CFAP43: variants seen among roughly 807,000 people sequenced by gnomAD.
The protein encoded by CFAP43 is cilia and flagella associated protein 43.
A neutral mutation model predicts 218.9 loss-of-function variants in CFAP43; 155 were observed. The ratio of observed to expected loss-of-function variants is 0.71; its 90% CI spans 0.62 to 0.81. The LOEUF (loss-of-function observed/expected upper bound fraction) is 0.81. CFAP43 is among the 30% of genes least tolerant of loss of function. The pLI is 0.00. For synonymous variants in CFAP43, 645 were observed against 681.3 expected, an observed-to-expected ratio of 0.95 and a Z score of 0.83; for missense variants, 1,778 against 1,954.3, an observed-to-expected ratio of 0.91 and a Z score of 1.70.
In CFAP43 at chr10:104,167,753, G is replaced by T. The variant is rs371105012; in HGVS notation, c.2692-16C>A. 6.4e-7 allele frequency: 1 copy of T among 1,574,578 alleles called. No homozygotes were observed. Among genetic ancestry groups the T allele is most frequent in the Non-Finnish European group, 8.6e-7 (1 of 1,156,824 alleles). ...TATGAAAACACTTGGGGAAAAAAAC[G>T]CAAGACAAAATAAATCCATTTGTAG... On this transcript the variant is annotated splice_polypyrimidine_tract_variant and intron_variant, in intron 21 of 37. Coordinates refer to ENST00000357060, the MANE Select transcript of CFAP43 (RefSeq NM_025145.7).
intron 3 of CFAP43, among the ~76,000 whole-genome samples, chr10:104,215,538 C>A (rs1237602505): frequency 6.6e-6 from 1 of 152,088 alleles, no homozygotes; most frequent in Non-Finnish European, 1.5e-5. Context: ...CAACTGAAAG[C>A]CTGGGCTGCT....
chr10:104,155,178 A>C (rs703335), intron 27 of CFAP43, among the ~76,000 whole-genome samples: 42,302 of 151,886 alleles, frequency 0.28, 8,441 homozygotes, highest in African/African-American at 0.58. Flanking sequence ...TACCCCCTTC[A>C]CCTTGGGCTC....
chr10:104,220,595 G>A (rs558061104), intron 3 of CFAP43, among the ~76,000 whole-genome samples: 9 of 152,124 alleles, frequency 5.9e-5, no homozygotes, highest in African/African-American at 1.9e-4. Context: ...AATGAAACTT[G>A]GAAAAAAGAA....
chr10:104,214,439 T>A lies in CFAP43; in HGVS notation c.417-13A>T. 6.5e-7 allele frequency: 1 copy of A among 1,542,570 alleles called. No homozygotes were observed. Among genetic ancestry groups the A allele is most frequent in the Non-Finnish European group, 8.8e-7 (1 of 1,141,200 alleles). The stretch of plus-strand genomic sequence containing the variant: ...CGATTCCCAGTTCCTTAGAGAAAAA[T>A]AGCATTTGATGAAAAAAAGTTCATT... On this transcript the variant is annotated splice_polypyrimidine_tract_variant and intron_variant, in intron 3 of 37. Transcript: ENST00000357060.
chr10:104,209,168 C>T (rs1410676567), intron 5 of CFAP43, among the ~76,000 whole-genome samples: 3 of 152,160 alleles, frequency 2.0e-5, no homozygotes, highest in African/African-American at 7.2e-5. Flanking sequence ...CATTTGAGAT[C>T]TATTTTTGGT....
At chr10:104,141,059 T>C in intron 33 of CFAP43, 58 bp from the exon 34 acceptor site, 1 of 1,487,662 alleles carries the variant, frequency 6.7e-7, no homozygotes, top group Non-Finnish European at 9.1e-7. Flanking sequence ...TTTCACCTAT[T>C]ATCTGAGAAT....
chr10:104,139,413 C>T (rs6584588), intron 34 of CFAP43, among the ~76,000 whole-genome samples: 42,281 of 151,954 alleles, frequency 0.28, 8,441 homozygotes, highest in African/African-American at 0.58. Flanking sequence ...ATGTGCATAC[C>T]GCCCCCTATC....
chr10:104,217,336 TTTTCTTTC>T (rs748219930), intron 3 of CFAP43, among the ~76,000 whole-genome samples: 1 of 119,944 alleles, frequency 8.3e-6, no homozygotes, highest in African/African-American at 5.1e-5. Context: ...TTTTCTTTTC[TTTTCTTTC>T]TTTCTTTCTT....
chr10:104,179,178 A>C (rs2089735570), intron 18 of CFAP43, 72 bp from the exon 19 acceptor site: 2 of 1,216,686 alleles, frequency 1.6e-6, no homozygotes, highest in Non-Finnish European at 2.3e-6. Context: ...AGAGAGAGAG[A>C]GAGCAATTCT....
rs767856413 is a variant in CFAP43 at position 104,206,042 on chromosome 10, G to C, written c.896-12C>G. ...AAAATTTCTTCTGTCTTCTGGAAAA[G>C]AAAAACAAGGTAAAGCAGGTGACGT... On this transcript the variant is annotated splice_polypyrimidine_tract_variant and intron_variant, in intron 6 of 37. Transcript: ENST00000357060. The C allele has an allele frequency of 1.0e-5, 16 of 1,593,686 alleles. No individual in the cohort carries two copies. The African/African-American group carries it at 2.0e-4, about 20-fold the overall frequency.
chr10:104,178,431 C>T (rs1043923044), intron 19 of CFAP43, among the ~76,000 whole-genome samples: 10 of 152,018 alleles, frequency 6.6e-5, no homozygotes, highest in African/African-American at 2.4e-4. Flanking sequence ...AATAATATAC[C>T]ATGTGGCTCA....
At chr10:104,182,655 G>T in intron 16 of CFAP43, 142 bp from the exon 17 acceptor site, 2 of 778,686 alleles carry the variant, frequency 2.6e-6, no homozygotes, top group Non-Finnish European at 3.6e-6. Context: ...TCTTCACAGT[G>T]CCTTGTGGAA....
chr10:104,172,372 T>C, intron 20 of CFAP43, 38 bp downstream of exon 20: 1 of 1,585,044 alleles, frequency 6.3e-7, no homozygotes, highest in East Asian at 2.3e-5. Flanking sequence ...ACTTCTTTCA[T>C]CATAACTTTA....
intron 4 of CFAP43, among the ~76,000 whole-genome samples, chr10:104,213,817 G>A (rs1477816649): frequency 6.6e-6 from 1 of 152,206 alleles, no homozygotes; most frequent in Non-Finnish European, 1.5e-5. Context: ...CTACAGGCGT[G>A]AGCCACTGCA....
At position 104,209,880 on chromosome 10, in the gene CFAP43, C is replaced by A. The variant is rs560594302; in HGVS notation, c.736-2056G>T. 2.0e-5 allele frequency among the ~76,000 whole-genome samples: 3 copies of A among 152,262 alleles called. No individual in the cohort carries two copies. In the East Asian group the frequency reaches 5.8e-4, roughly 29 times the overall value. On this transcript the variant is annotated intron_variant, in intron 5 of 37. Transcript: ENST00000357060. ...ACAGGGGATGGGTTCCAGGACCCCC[C>A]ACTGATACCAAAATCTGTGGATGCT... is the stretch of plus-strand genomic sequence containing the variant.
At chr10:104,192,335 A>C in intron 11 of CFAP43, 33 bp from the exon 12 acceptor site, 1 of 1,517,348 alleles carries the variant, frequency 6.6e-7, no homozygotes, top group Non-Finnish European at 9.1e-7. Flanking sequence ...ATCAAATCCC[A>C]ATTGTTTCAC....
chr10:104,163,448 C>A (rs965557699), intron 24 of CFAP43, among the ~76,000 whole-genome samples: 1 of 152,212 alleles, frequency 6.6e-6, no homozygotes, highest in South Asian at 2.1e-4. Context: ...TTTGAGTATT[C>A]TTTAGCATTT....
chr10:104,212,683 T>C (rs2090899954), intron 4 of CFAP43, among the ~76,000 whole-genome samples: 2 of 152,254 alleles, frequency 1.3e-5, no homozygotes, highest in African/African-American at 4.8e-5. Flanking sequence ...TCAGGCTGTA[T>C]TCAGCTACTT....
intron 33 of CFAP43, among the ~76,000 whole-genome samples, chr10:104,141,923 G>T (rs1241173013): frequency 2.6e-5 from 4 of 152,162 alleles, no homozygotes; most frequent in East Asian, 3.8e-4. Context: ...TGTCTACATG[G>T]AAAGTTCTTA....
Sources: gnomAD v4.1 joint callset for allele counts (sites outside exome capture counted in the v4.1 genomes callset) on GRCh38, gnomAD v4.1.1 for gene constraint, MANE v1.5 for transcripts, NCBI Gene and HGNC (gene_info 2026-07-23, HGNC 2026-07-21) for gene names.